The following LYPLAL1 variants were observed in gnomAD, a reference collection of about 807,000 sequenced individuals.
LYPLAL1 encodes the protein lysophospholipase-like protein 1.
LYPLAL1 carries 23 observed loss-of-function variants against 19.7 expected under a neutral mutation model. The observed-to-expected ratio is 1.17, with a 90% CI of 0.84 to 1.65. LYPLAL1 has a LOEUF of 1.65. Ranked by LOEUF, LYPLAL1 falls within the 40% of genes most tolerant of loss-of-function variation. The pLI is 0.00. For missense variants in LYPLAL1, 355 were observed against 279.4 expected, an observed-to-expected ratio of 1.27 and a Z score of -1.93; for synonymous variants, 119 against 96.3, an observed-to-expected ratio of 1.24 and a Z score of -1.38.
At chr1:219,194,972 TGACTC>T (rs1317722655) in intron 3 of LYPLAL1, among the ~76,000 whole-genome samples, 1 of 152,102 alleles carries the variant, frequency 6.6e-6, no homozygotes, top group Non-Finnish European at 1.5e-5. Context: ...AAGTACCTGT[TGACTC>T]AGATAGCCAC....
the LYPLAL1 span, among the ~76,000 whole-genome samples, chr1:219,227,804 G>A: frequency 0.73 from 111,106 of 152,088 alleles, 41,379 homozygotes; most frequent in East Asian, 0.93. Flanking sequence ...AACTTATTCC[G>A]TATTGTCTAT....
At chr1:219,206,584 TTAAAA>T (rs1232124736) in intron 3 of LYPLAL1, among the ~76,000 whole-genome samples, 1 of 152,086 alleles carries the variant, frequency 6.6e-6, no homozygotes, top group Non-Finnish European at 1.5e-5. Flanking sequence ...AGATTAAATC[TTAAAA>T]TAATAATATT....
chr1:219,193,060 G>A (rs765384771), intron 2 of LYPLAL1, 22 bp from the exon 3 acceptor site: 21 of 1,504,124 alleles, frequency 1.4e-5, no homozygotes, highest in Non-Finnish European at 1.8e-5. Flanking sequence ...TTTTTTTTTG[G>A]GGGGGGGCGG....
chr1:219,415,161 A>G, the LYPLAL1 span, among the ~76,000 whole-genome samples: 2 of 152,112 alleles, frequency 1.3e-5, no homozygotes, highest in Admixed American at 1.3e-4. Flanking sequence ...ATCTGTCACC[A>G]CTCTTGGTTA....
At chr1:219,381,331 T>G in the LYPLAL1 span, among the ~76,000 whole-genome samples, 1 of 152,194 alleles carries the variant, frequency 6.6e-6, no homozygotes. Context: ...TGTGAGTCCA[T>G]TCAACCTTCT....
At chr1:219,312,593 G>A in the LYPLAL1 span, among the ~76,000 whole-genome samples, 6 of 152,212 alleles carry the variant, frequency 3.9e-5, no homozygotes, top group South Asian at 2.1e-4. Context: ...ACAGTTCATC[G>A]GCACAGCTTC....
At chr1:219,227,621 C>T in the LYPLAL1 span, among the ~76,000 whole-genome samples, 1 of 151,780 alleles carries the variant, frequency 6.6e-6, no homozygotes, top group Non-Finnish European at 1.5e-5. Context: ...AAAACAGCCA[C>T]AGGAGTGTTT....
the LYPLAL1 span, among the ~76,000 whole-genome samples, chr1:219,417,978 T>C: frequency 6.6e-6 from 1 of 152,244 alleles, no homozygotes. Flanking sequence ...TATTCTTCCT[T>C]AACTTCCCCC....
the LYPLAL1 span, among the ~76,000 whole-genome samples, chr1:219,371,978 C>A: frequency 6.6e-6 from 1 of 152,182 alleles, no homozygotes; most frequent in South Asian, 2.1e-4. Context: ...ATCAGACTTC[C>A]CTTCAAGTAC....
chr1:219,187,308 T>C (rs1177677753), intron 2 of LYPLAL1, among the ~76,000 whole-genome samples: 1 of 151,672 alleles, frequency 6.6e-6, no homozygotes, highest in Non-Finnish European at 1.5e-5. Context: ...CTCAACTGTA[T>C]TTAATAGATG....
the LYPLAL1 span, among the ~76,000 whole-genome samples, chr1:219,227,435 G>C: frequency 6.6e-6 from 1 of 152,118 alleles, no homozygotes; most frequent in Admixed American, 6.5e-5. Flanking sequence ...CTACTTATAA[G>C]TATTAACACT....
the LYPLAL1 span, among the ~76,000 whole-genome samples, chr1:219,427,215 C>T: frequency 6.6e-6 from 1 of 152,152 alleles, no homozygotes; most frequent in African/African-American, 2.4e-5. Flanking sequence ...TCAAATTTTG[C>T]ATCCATTTAT....
the LYPLAL1 span, among the ~76,000 whole-genome samples, chr1:219,434,151 T>A: frequency 5.9e-5 from 9 of 152,376 alleles, no homozygotes; most frequent in South Asian, 1.7e-3. Flanking sequence ...TGGCTTATTT[T>A]TGTCACTTAG....
the LYPLAL1 span, among the ~76,000 whole-genome samples, chr1:219,223,937 ACT>A: frequency 1.3e-5 from 2 of 151,562 alleles, no homozygotes; most frequent in Non-Finnish European, 1.5e-5. Context: ...GTTAAAAATC[ACT>A]CTGTTTCCAT....
the LYPLAL1 span, among the ~76,000 whole-genome samples, chr1:219,411,528 C>T: frequency 2.0e-5 from 3 of 152,090 alleles, no homozygotes; most frequent in East Asian, 1.9e-4. Flanking sequence ...ACAGGCCACT[C>T]GGCTCTACCA....
the LYPLAL1 span, among the ~76,000 whole-genome samples, chr1:219,313,499 C>A: frequency 3.4e-5 from 5 of 148,842 alleles, no homozygotes; most frequent in African/African-American, 1.2e-4. Flanking sequence ...TAGCATCTTA[C>A]GTTTTCAGAG....
the LYPLAL1 span, among the ~76,000 whole-genome samples, chr1:219,329,269 GATAA>G: frequency 1.3e-5 from 2 of 151,906 alleles, no homozygotes; most frequent in Non-Finnish European, 2.9e-5. Flanking sequence ...AGGACAAAGG[GATAA>G]ATAAATAAAA....
chr1:219,301,784 A>C, the LYPLAL1 span, among the ~76,000 whole-genome samples: 1 of 152,180 alleles, frequency 6.6e-6, no homozygotes, highest in African/African-American at 2.4e-5. Context: ...TTTTAAATGT[A>C]CATTTTAATT....
the LYPLAL1 span, among the ~76,000 whole-genome samples, chr1:219,242,445 A>C: frequency 1.4e-4 from 22 of 152,268 alleles, 1 homozygote; most frequent in South Asian, 4.6e-3. Context: ...CCTTCCAGAG[A>C]CAGAAGCAGG....
Sources: allele counts gnomAD v4.1 joint callset (sites outside exome capture counted in the v4.1 genomes callset), GRCh38; gene constraint gnomAD v4.1.1; transcripts MANE v1.5; gene names NCBI Gene and HGNC (gene_info 2026-07-23, HGNC 2026-07-21).